The following TTLL10 variants were observed in gnomAD, a reference collection of about 807,000 sequenced individuals.
TTLL10 encodes the protein inactive polyglycylase TTLL10.
Under a neutral mutation model 69.0 loss-of-function variants are expected in TTLL10, and 61 were observed. The ratio of observed to expected loss-of-function variants is 0.88; its 90% CI spans 0.72 to 1.09. The LOEUF (loss-of-function observed/expected upper bound fraction) is 1.09. Among genes scored for constraint, TTLL10 ranks in the 50% least tolerant of loss-of-function variants. The probability of loss-of-function intolerance (pLI) is 0.00; values close to 1 mark genes in which losing one functional copy is unlikely to be tolerated. For missense variants in TTLL10, 962 were observed against 945.9 expected (o/e 1.02, Z -0.22); for synonymous variants, 408 against 393.3 (o/e 1.04, Z -0.44).
chr1:1,196,371 C>T (rs1401785667), intron 13 of TTLL10: 1 of 530,156 alleles, frequency 1.9e-6, no homozygotes, highest in Non-Finnish European at 3.4e-6. Context: ...GTTTTCCTCA[C>T]TCTCGTATCT....
rs1647098993 is a variant in TTLL10 at position 1,182,375 on chromosome 1, AAG to A, written c.848_849del (p.Glu283ValfsTer22). On this transcript the variant is annotated frameshift_variant, in exon 10 of 16. Transcript: ENST00000379289. LOFTEE classifies it high-confidence loss of function. Reference sequence around the variant, plus strand: ...CTGCCCTGCAGGGTCCTGAGAATGGAAGAGTTTTTCCCAGAGACCTACCGCCT... The same window carrying A: ...CTGCCCTGCAGGGTCCTGAGAATGGAAGTTTTTCCCAGAGACCTACCGCCT... The A allele has an allele frequency of 6.2e-6, 10 of 1,613,858 alleles. No homozygotes were observed. The highest frequency in any genetic ancestry group is 1.3e-5 in the African/African-American group (1 of 75,036).
intron 10 of TTLL10, 44 bp from the exon 11 acceptor site, chr1:1,182,832 T>C (rs10907171): frequency 0.33 from 498,902 of 1,506,940 alleles, 103,718 homozygotes; most frequent in African/African-American, 0.77. Context: ...GGGGCGTGGC[T>C]GGGTTGGGGG....
intron 13 of TTLL10, among the ~76,000 whole-genome samples, chr1:1,186,852 T>TG (rs1157794333): frequency 8.8e-5 from 10 of 113,952 alleles, no homozygotes; most frequent in African/African-American, 1.4e-4. Context: ...TGTTTTTTGT[T>TG]TTTTTTTTTT....
rs1489883418 is a variant in TTLL10 at position 1,180,473 on chromosome 1, C to A, written c.507-10C>A. On this transcript the variant is annotated splice_polypyrimidine_tract_variant and intron_variant, in intron 6 of 15. Coordinates refer to ENST00000379289, the MANE Select transcript of TTLL10 (RefSeq NM_001130045.2). ...GGCCCCCAGGTCACCCCCGCCCCCA[C>A]CCCTCGCAGCATCAGCTCCTACTGC... 6.5e-7 allele frequency: 1 copy of A among 1,548,516 alleles called. No homozygotes were observed. Among genetic ancestry groups the A allele is most frequent in the Non-Finnish European group, 8.7e-7 (1 of 1,146,078 alleles).
Position 1,197,745 on chromosome 1 carries a change from G to C in TTLL10, c.1920G>C (p.Pro640=), listed in dbSNP as rs564585467. Residue 640 remains proline (P), a synonymous_variant, in exon 16 of 16, where the codon CCG becomes CCC. Transcript: ENST00000379289. ...DSAHDGEPQA[P]GTEQSGTGNR... ...CCCACGATGGGGAGCCCCAGGCCCCGGGCACGGAGCAGTCGGGCACAGGCA... is the reference window on the plus strand; with the variant it reads ...CCCACGATGGGGAGCCCCAGGCCCCCGGCACGGAGCAGTCGGGCACAGGCA... 3 of 1,534,380 alleles carry C rather than the reference G, an allele frequency of 2.0e-6. No individual in the cohort carries two copies. Among genetic ancestry groups the C allele is most frequent in the African/African-American group, 2.8e-5 (2 of 71,556 alleles).
Position 1,179,758 on chromosome 1 carries a change from G to A in TTLL10, c.199+21G>A, listed in dbSNP as rs139887470. 5.9e-6 allele frequency: 9 copies of A among 1,537,998 alleles called. No homozygotes were observed. The East Asian group carries it at 7.4e-5, about 13-fold the overall frequency. On this transcript the variant is annotated intron_variant, in intron 5 of 15. Coordinates refer to ENST00000379289, the MANE Select transcript of TTLL10 (RefSeq NM_001130045.2). ...TGTTGGTGAGGAGGGTCGGAGGGGCGACCTCCCTGCCCCCTGCTCCAAGCT... is the reference window on the plus strand; with the variant it reads ...TGTTGGTGAGGAGGGTCGGAGGGGCAACCTCCCTGCCCCCTGCTCCAAGCT...
At chr1:1,179,039 A>T (rs1401775022) in intron 3 of TTLL10, 150 bp from the exon 4 acceptor site, 3 of 564,464 alleles carry the variant, frequency 5.3e-6, no homozygotes, top group Non-Finnish European at 9.3e-6. Flanking sequence ...CAGAGACGGG[A>T]GCCAGCCGCA....
rs535970847 is a variant in TTLL10, at chr1:1,186,915, C to T, written c.1401+1806C>T. Among the ~76,000 whole-genome samples, 36 of 150,556 alleles carry T rather than the reference C, an allele frequency of 2.4e-4. No individual in the cohort carries two copies. The East Asian group carries it at 5.1e-3, about 21-fold the overall frequency. ...GGCTGGAGTGCAGTGATGTGATTCTCGGCTCACTGCAAGCTCCGCCTCCCG... is the reference window on the plus strand; with the variant it reads ...GGCTGGAGTGCAGTGATGTGATTCTTGGCTCACTGCAAGCTCCGCCTCCCG... On this transcript the variant is annotated intron_variant, in intron 13 of 15. Transcript: ENST00000379289.
rs1333819781 is a variant in TTLL10, at chr1:1,182,785, G to A, written c.917-91G>A. 6.2e-6 allele frequency: 9 copies of A among 1,452,984 alleles called. No homozygotes were observed. The Admixed American group carries it at 1.5e-4, about 25-fold the overall frequency. 90.0% of individuals were successfully genotyped at this position (1,452,984 alleles called of 1,614,324 possible). ...GGTTGGAATGGCCGGGCCGAGGGTC[G>A]CAGCCTGGAGGGGAGGGTCCTGGTC... On this transcript the variant is annotated intron_variant, in intron 10 of 15. Coordinates refer to ENST00000379289, the MANE Select transcript of TTLL10 (RefSeq NM_001130045.2).
Position 1,185,438 on chromosome 1 carries a change from C to A in TTLL10, c.1401+329C>A. On this transcript the variant is annotated intron_variant, in intron 13 of 15. Transcript: ENST00000379289. This position sits in a 1 kb window ranked among gnomAD's most constrained non-coding sequence, Gnocchi z 6.1. ...AGAGTCTTTGTTCCTTTCAGATCCT[C>A]CACTTGGCAGGCAGGGCCAACAGCA... 8.9e-7 allele frequency: 1 copy of A among 1,129,130 alleles called. No homozygotes were observed. The highest frequency in any genetic ancestry group is 1.1e-6 in the Non-Finnish European group (1 of 921,504). The allele number at this position is 1,129,130 out of a possible 1,614,324, so 69.9% of individuals were successfully genotyped here. A position where few individuals can be genotyped will look rare whatever the true frequency, so the allele number is the denominator to read the frequency against.
chr1:1,177,366 C>A (rs1646911091), intron 3 of TTLL10, among the ~76,000 whole-genome samples: 1 of 152,122 alleles, frequency 6.6e-6, no homozygotes, highest in African/African-American at 2.4e-5. Flanking sequence ...GGCTGGAGTG[C>A]AGTGGCACGA....
intron 13 of TTLL10, among the ~76,000 whole-genome samples, chr1:1,186,465 A>C (rs963410712): frequency 1.1e-4 from 16 of 152,118 alleles, no homozygotes; most frequent in African/African-American, 3.1e-4. Context: ...CAGTTTTATT[A>C]TTGAGCTGTT....
Position 1,180,936 on chromosome 1 carries a change from C to T in TTLL10, c.755+76C>T. ...GCCCCTGCCCCTGCCCCTGCACCCG[C>T]CCCACCCCTGCCCCTGCGCCCGCCC... On this transcript the variant is annotated intron_variant, in intron 8 of 15. Transcript: ENST00000379289. 3 of 1,349,304 alleles carry T rather than the reference C, an allele frequency of 2.2e-6. No homozygotes were observed. The Admixed American group carries it at 7.7e-5, about 35-fold the overall frequency. The allele number at this position is 1,349,304 out of a possible 1,614,324, so 83.6% of individuals were successfully genotyped here.
In TTLL10 at chr1:1,174,340, C is replaced by T. The variant is rs1047186255; in HGVS notation, c.-94+19C>T. On this transcript the variant is annotated intron_variant, in intron 2 of 15. Coordinates refer to ENST00000379289, the MANE Select transcript of TTLL10 (RefSeq NM_001130045.2). ...GAACAATGTCAGTACCTTCCTAGGG[C>T]CCCACGTGGCCAAGCTTGGATTCTG... The T allele has an allele frequency of 3.3e-5, 5 of 152,718 alleles. No individual in the cohort carries two copies. Among genetic ancestry groups the T allele is most frequent in the African/African-American group, 1.2e-4 (5 of 41,480 alleles). 9.5% of individuals were successfully genotyped at this position (152,718 alleles called of 1,614,324 possible). A position where few individuals can be genotyped will look rare whatever the true frequency, so the allele number is the denominator to read the frequency against.
At position 1,180,761 on chromosome 1, in the gene TTLL10, A is replaced by G. The variant is rs921140510; in HGVS notation, c.656A>G (p.Asn219Ser). Residue 219 changes from asparagine (N) to serine (S), a missense_variant, in exon 8 of 16, where the codon AAC (asparagine) becomes AGC (serine). Coordinates refer to ENST00000379289, the MANE Select transcript of TTLL10 (RefSeq NM_001130045.2). ...GEQLLYQLPNNKLLTTKIGLL... is the reference protein window; with the variant it reads ...GEQLLYQLPNSKLLTTKIGLL... The stretch of plus-strand genomic sequence containing the variant: ...CAGCTGCTGTACCAGCTTCCCAACA[A>G]CAAGCTCCTCACCACCAAGATCGGG... 3.1e-6 allele frequency: 5 copies of G among 1,608,596 alleles called. No homozygotes were observed. The African/African-American group carries it at 4.0e-5, about 13-fold the overall frequency.
Position 1,196,591 on chromosome 1 carries a change from T to C in TTLL10, c.1402-9T>C, listed in dbSNP as rs1300420441. 1 of 1,549,720 alleles carries C rather than the reference T, an allele frequency of 6.5e-7. No homozygotes were observed. The highest frequency in any genetic ancestry group is 8.7e-7 in the Non-Finnish European group (1 of 1,145,284). ...GCCGCAGCCAGGATGCCTCCCTGCC[T>C]CCCTGCAGAAGCGGATGCAGCAGAT... On this transcript the variant is annotated splice_polypyrimidine_tract_variant and intron_variant, in intron 13 of 15. Coordinates refer to ENST00000379289, the MANE Select transcript of TTLL10 (RefSeq NM_001130045.2).
chr1:1,179,080 G>T, intron 3 of TTLL10, 109 bp from the exon 4 acceptor site: 2 of 713,836 alleles, frequency 2.8e-6, no homozygotes, highest in Non-Finnish European at 4.6e-6. Context: ...GCCCTGGGAG[G>T]CGCCCTTTCC....
At position 1,182,739 on chromosome 1, in the gene TTLL10, G is replaced by A. The variant is rs559152536; in HGVS notation, c.917-137G>A. The A allele has an allele frequency of 5.7e-4, 712 of 1,251,204 alleles. 3 individuals carry two copies. The South Asian group carries it at 6.9e-3, about 12-fold the overall frequency. The allele number at this position is 1,251,204 out of a possible 1,614,324, so 77.5% of individuals were successfully genotyped here. On this transcript the variant is annotated intron_variant, in intron 10 of 15. Coordinates refer to ENST00000379289, the MANE Select transcript of TTLL10 (RefSeq NM_001130045.2). The stretch of plus-strand genomic sequence containing the variant: ...GCACGGGCAGGAGCTGGGGCCAGGC[G>A]TGTGGTTAGCGCAGGGCCAAGGTTG...
chr1:1,195,500 C>CTTTT (rs1168016636), intron 13 of TTLL10, among the ~76,000 whole-genome samples: 8 of 98,784 alleles, frequency 8.1e-5, no homozygotes, highest in East Asian at 1.7e-3. Flanking sequence ...CATCGTCATA[C>CTTTT]TTTTTTTTTT....
Sources: allele counts gnomAD v4.1 joint callset (sites outside exome capture counted in the v4.1 genomes callset), GRCh38; gene constraint gnomAD v4.1.1; non-coding constraint Gnocchi (gnomAD v3.1); transcripts MANE v1.5; gene names NCBI Gene and HGNC (gene_info 2026-07-23, HGNC 2026-07-21).